The following RASAL2 variants were observed in gnomAD, a reference collection of about 807,000 sequenced individuals.
The protein encoded by RASAL2 is ras GTPase-activating protein nGAP.
Under a neutral mutation model 128.9 loss-of-function variants are expected in RASAL2, and 58 were observed. That is an observed-to-expected ratio of 0.45 (90% CI 0.36 to 0.56). The LOEUF (loss-of-function observed/expected upper bound fraction) is 0.56, where lower values mean the gene tolerates loss of function less well. Among genes scored for constraint, RASAL2 ranks in the 20% least tolerant of loss-of-function variants. RASAL2 has a pLI of 0.00. For synonymous variants in RASAL2, 561 were observed against 580.8 expected, an observed-to-expected ratio of 0.97 and a Z score of 0.49; for missense variants, 1,360 against 1,601.6, an observed-to-expected ratio of 0.85 and a Z score of 2.57.
intron 4 of RASAL2, among the ~76,000 whole-genome samples, chr1:178,414,801 C>G (rs1040910764): frequency 3.3e-5 from 5 of 152,054 alleles, no homozygotes; most frequent in Admixed American, 1.3e-4. Context: ...TAGCCCTATT[C>G]ATATTGTCTA....
At chr1:178,116,254 A>G (rs2102260833) in intron 1 of RASAL2, among the ~76,000 whole-genome samples, 1 of 152,182 alleles carries the variant, frequency 6.6e-6, no homozygotes, top group East Asian at 1.9e-4. Context: ...TTATTGGTAT[A>G]TATGTTTTAT....
At chr1:178,213,322 G>A (rs1026474035) in intron 1 of RASAL2, among the ~76,000 whole-genome samples, 1 of 152,142 alleles carries the variant, frequency 6.6e-6, no homozygotes, top group Non-Finnish European at 1.5e-5. Context: ...GGGATTACAG[G>A]CATGAGCCAC....
At chr1:178,274,285 C>T (rs1466969198) in intron 1 of RASAL2, among the ~76,000 whole-genome samples, 1 of 152,132 alleles carries the variant, frequency 6.6e-6, no homozygotes, top group Non-Finnish European at 1.5e-5. Context: ...TTTTCACCCT[C>T]TCCACAAAGA....
At chr1:178,125,932 G>C (rs1203568769) in intron 1 of RASAL2, among the ~76,000 whole-genome samples, 4 of 152,176 alleles carry the variant, frequency 2.6e-5, no homozygotes, top group Non-Finnish European at 5.9e-5. Flanking sequence ...CAGATACTTG[G>C]ACACCTACCT....
rs554713470 is a variant in RASAL2 at position 178,154,916 on chromosome 1, C to T, written c.202+60222C>T. On this transcript the variant is annotated intron_variant, in intron 1 of 17. Coordinates refer to ENST00000367649, the MANE Select transcript of RASAL2 (RefSeq NM_170692.4). ...TCAGCTCACTGCAACCTCTGCCTTC[C>T]GGGTTCAGGCGATTCTCCTGCCTCA... Among the ~76,000 whole-genome samples, 8 of 152,214 alleles carry T rather than the reference C, an allele frequency of 5.3e-5. No individual in the cohort carries two copies. The South Asian group carries it at 8.3e-4, about 16-fold the overall frequency.
chr1:178,290,385 T>G (rs1045228346), intron 2 of RASAL2, among the ~76,000 whole-genome samples: 2 of 152,224 alleles, frequency 1.3e-5, no homozygotes, highest in Admixed American at 1.3e-4. Flanking sequence ...AATTCTTTAT[T>G]TTTCTAAAAC....
Position 178,101,409 on chromosome 1 carries a change from AC to A in RASAL2, c.202+6719del, listed in dbSNP as rs147412747. On this transcript the variant is annotated intron_variant, in intron 1 of 17. Coordinates refer to ENST00000367649, the MANE Select transcript of RASAL2 (RefSeq NM_170692.4). ...CAGTTTAGATCCTGATTGTATTTTT[AC>A]CCCTCCATAAATTATCTTCAACATT... is the stretch of plus-strand genomic sequence containing the variant. 5.8e-3 allele frequency among the ~76,000 whole-genome samples: 883 copies of A among 152,072 alleles called. 9 individuals carry two copies. The highest frequency in any genetic ancestry group is 0.02 in the African/African-American group (849 of 41,468).
intron 1 of RASAL2, among the ~76,000 whole-genome samples, chr1:178,157,919 A>G (rs1401575023): frequency 1.3e-5 from 2 of 152,148 alleles, no homozygotes; most frequent in Non-Finnish European, 2.9e-5. Context: ...ACTGGTTTCA[A>G]CCCTACACAT....
intron 3 of RASAL2, among the ~76,000 whole-genome samples, chr1:178,338,191 A>G (rs1349242164): frequency 2.0e-5 from 3 of 151,484 alleles, no homozygotes; most frequent in Non-Finnish European, 4.4e-5. Flanking sequence ...GTGCAGTGGC[A>G]TGATCTCGGC....
Position 178,441,622 on chromosome 1 carries a change from T to G in RASAL2, c.902T>G (p.Leu301Arg). The change falls in exon 7 of 18, where the codon CTT becomes CGT. Residue 301 changes from leucine to arginine, a missense_variant. Around this residue, in one of 3 missense-constraint regions of RASAL2, gnomAD observed 617 missense variants for 714.2 expected, o/e 0.86. Transcript: ENST00000367649. ...ASERDKWMEN[L>R]RRTVQPNKDN... ...GAGAGAGACAAGTGGATGGAAAACC[T>G]TCGCAGGACAGTTCAACCTAATAAG... The G allele has an allele frequency of 6.2e-7, 1 of 1,612,426 alleles. No homozygotes were observed.
intron 1 of RASAL2, among the ~76,000 whole-genome samples, chr1:178,268,037 G>A (rs939104149): frequency 2.0e-5 from 3 of 149,690 alleles, no homozygotes; most frequent in African/African-American, 7.4e-5. Context: ...TTTTTTTTAA[G>A]AGACAAGGTC....
chr1:178,207,193 G>T (rs977667127), intron 1 of RASAL2, among the ~76,000 whole-genome samples: 4 of 150,054 alleles, frequency 2.7e-5, no homozygotes, highest in African/African-American at 7.3e-5. Context: ...GCATTTAAAT[G>T]ATGATTGGAA....
At chr1:178,352,625 T>G (rs1439161866) in intron 3 of RASAL2, among the ~76,000 whole-genome samples, 1 of 152,212 alleles carries the variant, frequency 6.6e-6, no homozygotes, top group African/African-American at 2.4e-5. Context: ...CACTAGGTAG[T>G]GCCCCAGTGG....
intron 1 of RASAL2, among the ~76,000 whole-genome samples, chr1:178,202,392 T>C (rs561586108): frequency 6.6e-6 from 1 of 152,166 alleles, no homozygotes; most frequent in African/African-American, 2.4e-5. Flanking sequence ...TAAGGCCTGG[T>C]TCACAGATGG....
chr1:178,141,544 T>C (rs1260061739), intron 1 of RASAL2, among the ~76,000 whole-genome samples: 5 of 152,076 alleles, frequency 3.3e-5, no homozygotes, highest in Non-Finnish European at 5.9e-5. Context: ...GTCCTGTCTC[T>C]CAGTACCCCC....
At chr1:178,416,682 G>T (rs1309441349) in intron 4 of RASAL2, among the ~76,000 whole-genome samples, 1 of 151,854 alleles carries the variant, frequency 6.6e-6, no homozygotes, top group African/African-American at 2.4e-5. Context: ...TTTCATGTAT[G>T]TGAGAAAGCT....
rs1663328459 is a variant in RASAL2 at position 178,213,613 on chromosome 1, C to T, written c.203-69951C>T. On this transcript the variant is annotated intron_variant, in intron 1 of 17. Coordinates refer to ENST00000367649, the MANE Select transcript of RASAL2 (RefSeq NM_170692.4). The stretch of plus-strand genomic sequence containing the variant: ...GAGACACAATGATGAGCATAAGAAG[C>T]AAGGCAAAGGAGTACATAATGTATA... Among the ~76,000 whole-genome samples the T allele has an allele frequency of 3.3e-5, 5 of 151,822 alleles. No individual in the cohort carries two copies. In the South Asian group the frequency reaches 1.0e-3, roughly 32 times the overall value.
intron 4 of RASAL2, among the ~76,000 whole-genome samples, chr1:178,396,825 G>GT (rs1164768333): frequency 8.3e-6 from 1 of 120,258 alleles, no homozygotes; most frequent in Admixed American, 8.1e-5. Context: ...TGAGTGGCTG[G>GT]TAAAAAAAAA....
rs1669858223 is a variant in RASAL2, at chr1:178,341,191, G to GA, written c.457+41079dup. On this transcript the variant is annotated intron_variant, in intron 3 of 17. Transcript: ENST00000367649. ...CTTAGTTTTATTTTAGACTGCTTTT[G>GA]AAAAAATCACTTCTTAAAGTGCACA... Among the ~76,000 whole-genome samples the GA allele has an allele frequency of 2.0e-5, 3 of 152,052 alleles. 1 individual carries two copies. The highest frequency in any genetic ancestry group is 4.1e-4 in the South Asian group (2 of 4,830).
Sources: allele counts gnomAD v4.1 joint callset (sites outside exome capture counted in the v4.1 genomes callset), GRCh38; gene constraint gnomAD v4.1.1; regional missense constraint gnomAD v4.1.1; transcripts MANE v1.5; gene names NCBI Gene and HGNC (gene_info 2026-07-23, HGNC 2026-07-21).